Variants in RUNDC3B observed in about 807,000 individuals in gnomAD.
The protein encoded by RUNDC3B is RUN domain containing 3B.
RUNDC3B carries 33 observed loss-of-function variants against 58.4 expected under a neutral mutation model. The observed-to-expected ratio is 0.56, with a 90% CI of 0.43 to 0.75. RUNDC3B has a LOEUF of 0.75. Ranked by LOEUF, RUNDC3B falls within the 30% of genes least tolerant of loss-of-function variation. The pLI is 0.00. For missense variants in RUNDC3B, 501 were observed against 535.7 expected, an observed-to-expected ratio of 0.94 and a Z score of 0.64; for synonymous variants, 193 against 195.2, an observed-to-expected ratio of 0.99 and a Z score of 0.10.
At chr7:87,762,212 C>G (rs1451071157) in intron 6 of RUNDC3B, among the ~76,000 whole-genome samples, 1 of 151,542 alleles carries the variant, frequency 6.6e-6, no homozygotes, top group East Asian at 1.9e-4. Flanking sequence ...TTTTCTGCAT[C>G]TATTAAAATT....
intron 9 of RUNDC3B, among the ~76,000 whole-genome samples, chr7:87,814,154 G>A (rs550232535): frequency 4.1e-5 from 6 of 146,682 alleles, no homozygotes; most frequent in Non-Finnish European, 8.9e-5. Context: ...AGACTGGAGT[G>A]CAGTGGCACG....
chr7:87,824,988 A>C (rs1460419630), intron 10 of RUNDC3B, among the ~76,000 whole-genome samples: 4 of 152,096 alleles, frequency 2.6e-5, no homozygotes, highest in African/African-American at 9.7e-5. Flanking sequence ...AAGTTCAGAA[A>C]ATTTGCAGCC....
chr7:87,704,857 C>T (rs548261291), intron 3 of RUNDC3B, among the ~76,000 whole-genome samples: 3 of 152,326 alleles, frequency 2.0e-5, no homozygotes, highest in East Asian at 3.9e-4. Flanking sequence ...TCACATCTCA[C>T]GTCTCTGGAT....
intron 6 of RUNDC3B, among the ~76,000 whole-genome samples, chr7:87,758,818 A>G (rs933673916): frequency 1.3e-5 from 2 of 152,186 alleles, no homozygotes; most frequent in African/African-American, 2.4e-5. Context: ...TATTCAAAAG[A>G]CAGGCAATAA....
chr7:87,632,644 G>A (rs73705283), intron 1 of RUNDC3B, among the ~76,000 whole-genome samples: 2,039 of 152,010 alleles, frequency 0.013, 51 homozygotes, highest in African/African-American at 0.046. Context: ...AGTTGTTAAC[G>A]CCCTTCAGAT....
chr7:87,709,432 C>T, intron 3 of RUNDC3B: 1 of 985,332 alleles, frequency 1.0e-6, no homozygotes, highest in Non-Finnish European at 1.2e-6. Flanking sequence ...CTACAGCTAA[C>T]TGCAGGTTCC....
chr7:87,719,960 A>G (rs1160393168), intron 4 of RUNDC3B, among the ~76,000 whole-genome samples: 1 of 150,484 alleles, frequency 6.6e-6, no homozygotes, highest in Non-Finnish European at 1.5e-5. Context: ...AGAGGTAATG[A>G]AAAAAATTAG....
At chr7:87,700,796 A>C (rs918314152) in intron 3 of RUNDC3B, among the ~76,000 whole-genome samples, 1 of 152,210 alleles carries the variant, frequency 6.6e-6, no homozygotes, top group Non-Finnish European at 1.5e-5. Context: ...AATGTCAAAA[A>C]TATTTTTATA....
chr7:87,645,059 T>C (rs1200167856), intron 1 of RUNDC3B, among the ~76,000 whole-genome samples: 1 of 151,578 alleles, frequency 6.6e-6, no homozygotes, highest in East Asian at 1.9e-4. Context: ...TTTAAGGTTT[T>C]AGTCACAATC....
At chr7:87,660,353 A>G (rs1251577016) in intron 2 of RUNDC3B, among the ~76,000 whole-genome samples, 1 of 152,008 alleles carries the variant, frequency 6.6e-6, no homozygotes, top group African/African-American at 2.4e-5. Flanking sequence ...TAAAGTTGTC[A>G]ATGTCTTCTA....
At chr7:87,660,627 G>A (rs1247876677) in intron 2 of RUNDC3B, among the ~76,000 whole-genome samples, 1 of 151,598 alleles carries the variant, frequency 6.6e-6, no homozygotes, top group Non-Finnish European at 1.5e-5. Flanking sequence ...GATCATTTAT[G>A]TATATTAATG....
Position 87,770,751 on chromosome 7 carries a change from T to A in RUNDC3B, c.798+2T>A. 4 of 1,594,932 alleles carry A rather than the reference T, an allele frequency of 2.5e-6. No individual in the cohort carries two copies. Among genetic ancestry groups the A allele is most frequent in the Non-Finnish European group, 3.4e-6 (4 of 1,168,980 alleles). The stretch of plus-strand genomic sequence containing the variant: ...TATCAGCTTACCCTGGAACAGAAGG[T>A]ATTTTAAAATTATCAAAACGTACTT... On this transcript the variant is annotated splice_donor_variant, in intron 7 of 10. Transcript: ENST00000394654. LOFTEE classifies it high-confidence loss of function.
rs866321431 is a variant in RUNDC3B, at chr7:87,818,364, C to T, written c.1225+2102C>T. Among the ~76,000 whole-genome samples, 6 of 152,180 alleles carry T rather than the reference C, an allele frequency of 3.9e-5. No individual in the cohort carries two copies. The Middle Eastern group carries it at 0.01, about 259-fold the overall frequency. On this transcript the variant is annotated intron_variant, in intron 10 of 10. Transcript: ENST00000394654. Reference sequence around the variant, plus strand: ...TGAGTAAAAATTAACCAAAAATCTACCAACTGCCACCCAACAAGAAAGGAG... The same window carrying T: ...TGAGTAAAAATTAACCAAAAATCTATCAACTGCCACCCAACAAGAAAGGAG...
At chr7:87,736,800 T>TTA (rs1279093404) in intron 4 of RUNDC3B, among the ~76,000 whole-genome samples, 2 of 143,172 alleles carry the variant, frequency 1.4e-5, no homozygotes, top group Non-Finnish European at 3.0e-5. Context: ...CATATATGTA[T>TTA]TATATATATT....
In RUNDC3B at chr7:87,830,192, A is replaced by G. The variant is rs1838058157; in HGVS notation, c.*162A>G. 2 of 398,540 alleles carry G rather than the reference A, an allele frequency of 5.0e-6. No individual in the cohort carries two copies. Among genetic ancestry groups the G allele is most frequent in the Non-Finnish European group, 8.8e-6 (2 of 226,430 alleles). The allele number at this position is 398,540 out of a possible 1,614,324, so 24.7% of individuals were successfully genotyped here. A position where few individuals can be genotyped will look rare whatever the true frequency, so the allele number is the denominator to read the frequency against. ...AGATAAGAGATTTTGAGTGAAAAAC[A>G]TAATGATCCTGCCATTTTTCATTTT... On this transcript the variant is annotated 3_prime_UTR_variant, in exon 11 of 11. Transcript: ENST00000394654.
chr7:87,635,615 A>G, intron 1 of RUNDC3B, among the ~76,000 whole-genome samples: 1 of 152,260 alleles, frequency 6.6e-6, no homozygotes, highest in Admixed American at 6.5e-5. Context: ...TTCTTTTAAT[A>G]TAAATTTTTA....
intron 7 of RUNDC3B, among the ~76,000 whole-genome samples, chr7:87,771,263 GAT>G (rs149249106): frequency 5.3e-5 from 8 of 150,492 alleles, no homozygotes; most frequent in African/African-American, 7.3e-5. Flanking sequence ...ATTCATAGAT[GAT>G]ATATATATAT....
chr7:87,715,999 G>T (rs1286745185), intron 4 of RUNDC3B, among the ~76,000 whole-genome samples: 1 of 152,110 alleles, frequency 6.6e-6, no homozygotes, highest in Non-Finnish European at 1.5e-5. Flanking sequence ...AATTTGCAAA[G>T]AGGAAGAGTA....
intron 3 of RUNDC3B, among the ~76,000 whole-genome samples, chr7:87,703,593 G>A (rs1829279094): frequency 6.6e-6 from 1 of 151,934 alleles, no homozygotes; most frequent in Non-Finnish European, 1.5e-5. Context: ...CTCTCAGGTT[G>A]GATCAGTTTT....
Sources: allele counts gnomAD v4.1 joint callset (sites outside exome capture counted in the v4.1 genomes callset), GRCh38; gene constraint gnomAD v4.1.1; transcripts MANE v1.5; gene names NCBI Gene and HGNC (gene_info 2026-07-23, HGNC 2026-07-21).